NAV1: variants seen among roughly 807,000 people sequenced by gnomAD.
NAV1 encodes the protein neuron navigator 1, also known as pore membrane and/or filament interacting like protein 3.
In NAV1, 18 loss-of-function variants were observed where a neutral mutation model predicts 175.2. That is an observed-to-expected ratio of 0.10 (90% CI 0.07 to 0.15). The LOEUF (loss-of-function observed/expected upper bound fraction) is 0.15. Among genes scored for constraint, NAV1 ranks in the 10% least tolerant of loss-of-function variants. NAV1 has a pLI of 1.00. For synonymous variants in NAV1, 897 were observed against 978.7 expected, an observed-to-expected ratio of 0.92 and a Z score of 1.56; for missense variants, 1,731 against 2,436.6, an observed-to-expected ratio of 0.71 and a Z score of 6.10.
At chr1:201,716,724 C>G (rs1040250729) in intron 2 of NAV1, among the ~76,000 whole-genome samples, 6 of 152,160 alleles carry the variant, frequency 3.9e-5, no homozygotes, top group Admixed American at 1.3e-4. Context: ...ATAAAAAATA[C>G]AAAAATTAGC....
At chr1:201,559,389 A>C (rs1401769419) in intron 1 of NAV1, among the ~76,000 whole-genome samples, 2 of 152,014 alleles carry the variant, frequency 1.3e-5, no homozygotes, top group East Asian at 3.9e-4. Context: ...CACATAAACC[A>C]CCAGGAACAG....
chr1:201,793,779 G>A lies in NAV1; in HGVS notation c.3322-13G>A. The A allele has an allele frequency of 6.2e-7, 1 of 1,612,058 alleles. No homozygotes were observed. Among genetic ancestry groups the A allele is most frequent in the South Asian group, 1.1e-5 (1 of 90,484 alleles). ...TTATGCAACTTAGCAATCTCTTTCT[G>A]TGTTTGTTTCAGGCTAATCTGGTGG... On this transcript the variant is annotated splice_polypyrimidine_tract_variant and intron_variant, in intron 13 of 29. Transcript: ENST00000367296.
At chr1:201,709,278 AG>A (rs1173181589) in intron 1 of NAV1, among the ~76,000 whole-genome samples, 2 of 152,086 alleles carry the variant, frequency 1.3e-5, no homozygotes, top group Non-Finnish European at 2.9e-5. Flanking sequence ...GGTGAAGCTT[AG>A]TTATGGGTTG....
intron 3 of NAV1, among the ~76,000 whole-genome samples, chr1:201,767,234 C>T (rs1571471629): frequency 6.6e-6 from 1 of 151,156 alleles, no homozygotes; most frequent in African/African-American, 2.4e-5. Flanking sequence ...GAGCAGATCA[C>T]AAGGTCAGGA....
chr1:201,767,443 T>G (rs1189051126), intron 3 of NAV1, among the ~76,000 whole-genome samples: 1 of 140,686 alleles, frequency 7.1e-6, no homozygotes, highest in Non-Finnish European at 1.6e-5. Context: ...AGGGCGAGAC[T>G]CCGCCTCAAA....
Position 201,811,985 on chromosome 1 carries a change from T to C in NAV1, c.5024+11T>C. 1 of 1,612,796 alleles carries C rather than the reference T, an allele frequency of 6.2e-7. No homozygotes were observed. The highest frequency in any genetic ancestry group is 1.1e-5 in the South Asian group (1 of 91,050). On this transcript the variant is annotated intron_variant, in intron 26 of 29. Coordinates refer to ENST00000367296, the Ensembl canonical transcript of NAV1. ...GCACTTGAGCTTCAGGTAAGACCTC[T>C]AGCTCTGGATGAACCTTCTGACCCT...
At chr1:201,765,395 T>C (rs937223375) in intron 3 of NAV1, among the ~76,000 whole-genome samples, 5 of 144,026 alleles carry the variant, frequency 3.5e-5, no homozygotes, top group Admixed American at 6.9e-5. Flanking sequence ...TTTTTTTTTT[T>C]TTTTTTTTCT....
intron 2 of NAV1, among the ~76,000 whole-genome samples, chr1:201,716,608 G>T (rs913650313): frequency 6.6e-6 from 1 of 152,254 alleles, no homozygotes; most frequent in Non-Finnish European, 1.5e-5. Context: ...GCAGGGTGCA[G>T]TGGCTCACGC....
chr1:201,567,590 G>A (rs1666393891), intron 1 of NAV1, among the ~76,000 whole-genome samples: 1 of 152,216 alleles, frequency 6.6e-6, no homozygotes, highest in African/African-American at 2.4e-5. Flanking sequence ...TACTGTGTGT[G>A]TAGACAATAT....
At chr1:201,778,279 T>C (rs1676086840) in intron 3 of NAV1, among the ~76,000 whole-genome samples, 3 of 152,214 alleles carry the variant, frequency 2.0e-5, no homozygotes, top group Admixed American at 2.0e-4. Context: ...ATTTCTGAGC[T>C]GCAGCAATCC....
chr1:201,812,730 AT>A lies in NAV1; in HGVS notation c.5221+70del. The A allele has an allele frequency of 7.2e-7, 1 of 1,384,412 alleles. No individual in the cohort carries two copies. The highest frequency in any genetic ancestry group is 1.0e-6 in the Non-Finnish European group (1 of 983,162). The allele number at this position is 1,384,412 out of a possible 1,614,324, so 85.8% of individuals were successfully genotyped here. Reference sequence around the variant, plus strand: ...CTTTTCCACTGTACCACCTGGAGGGATGCTCCCTTCTCTTCCTGGAGTCTTC... The same window carrying A: ...CTTTTCCACTGTACCACCTGGAGGGAGCTCCCTTCTCTTCCTGGAGTCTTC... On this transcript the variant is annotated intron_variant, in intron 27 of 29. Coordinates refer to ENST00000367296, the Ensembl canonical transcript of NAV1. The surrounding 1 kb of genome is among the most constrained non-coding windows in gnomAD (Gnocchi z 4.6).
chr1:201,733,993 A>G (rs893088472), intron 3 of NAV1, among the ~76,000 whole-genome samples: 2 of 152,238 alleles, frequency 1.3e-5, no homozygotes, highest in Non-Finnish European at 2.9e-5. Flanking sequence ...AGCAGACCAC[A>G]GGGACACCAG....
rs1678355609 is a variant in NAV1 at position 201,807,327 on chromosome 1, T to TAC, written c.3649-626_3649-625insAC. Among the ~76,000 whole-genome samples, 1 of 152,212 alleles carries TAC rather than the reference T, an allele frequency of 6.6e-6. No homozygotes were observed. On this transcript the variant is annotated intron_variant, in intron 17 of 29. Transcript: ENST00000367296. The surrounding 1 kb of genome is among the most constrained non-coding windows in gnomAD (Gnocchi z 5.4). Reference sequence around the variant, plus strand: ...GGGCACAAGAAATACTAAAAGAAGCTTGAGCCCACTGCCTTCTCGTGTTCT... The same window carrying TAC: ...GGGCACAAGAAATACTAAAAGAAGCTACTGAGCCCACTGCCTTCTCGTGTTCT...
intron 3 of NAV1, chr1:201,723,252 G>A (rs1014044294): frequency 6.6e-6 from 1 of 152,184 alleles, no homozygotes; most frequent in African/African-American, 2.4e-5. Flanking sequence ...ATCTATTCAA[G>A]TCCTTTGCCC....
intron 1 of NAV1, among the ~76,000 whole-genome samples, chr1:201,559,836 G>A (rs1174193234): frequency 6.6e-6 from 1 of 152,196 alleles, no homozygotes; most frequent in East Asian, 1.9e-4. Flanking sequence ...CGCCACCAGA[G>A]GGTGCAGTTG....
At chr1:201,755,174 T>TATCTCTAAAATAAC (rs1320920154) in intron 3 of NAV1, among the ~76,000 whole-genome samples, 1 of 152,240 alleles carries the variant, frequency 6.6e-6, no homozygotes, top group Non-Finnish European at 1.5e-5. Flanking sequence ...AATACTCTCT[T>TATCTCTAAAATAAC]ATCTCTAAAA....
chr1:201,788,353 T>G lies in NAV1; in HGVS notation c.2996-115T>G. ...CCCTTCCTCTCCTGCCCTCTCCCCATTTGCCTCTCATGCTCCCGGTGCTCC... is the reference window on the plus strand; with the variant it reads ...CCCTTCCTCTCCTGCCCTCTCCCCAGTTGCCTCTCATGCTCCCGGTGCTCC... On this transcript the variant is annotated intron_variant, in intron 9 of 29. Coordinates refer to ENST00000367296, the Ensembl canonical transcript of NAV1. The surrounding 1 kb of genome is among the most constrained non-coding windows in gnomAD (Gnocchi z 5.7). The G allele has an allele frequency of 9.2e-7, 1 of 1,086,920 alleles. No individual in the cohort carries two copies. The highest frequency in any genetic ancestry group is 1.4e-6 in the Non-Finnish European group (1 of 726,798). 67.3% of individuals were successfully genotyped at this position (1,086,920 alleles called of 1,614,324 possible). A position where few individuals can be genotyped will look rare whatever the true frequency, so the allele number is the denominator to read the frequency against.
chr1:201,770,500 A>G (rs1233020172), intron 3 of NAV1, among the ~76,000 whole-genome samples: 1 of 151,886 alleles, frequency 6.6e-6, no homozygotes, highest in Non-Finnish European at 1.5e-5. Flanking sequence ...TCATCTTAAC[A>G]ACAAGGCTAA....
chr1:201,579,912 A>G (rs1006052479), intron 1 of NAV1, among the ~76,000 whole-genome samples: 8 of 152,200 alleles, frequency 5.3e-5, no homozygotes, highest in Non-Finnish European at 1.0e-4. Flanking sequence ...GAACCAGGGA[A>G]GCCAGTAGCA....
Sources: gnomAD v4.1 joint callset for allele counts (sites outside exome capture counted in the v4.1 genomes callset) on GRCh38, gnomAD v4.1.1 for gene constraint, Gnocchi (gnomAD v3.1) non-coding constraint, MANE v1.5 for transcripts, NCBI Gene and HGNC (gene_info 2026-07-23, HGNC 2026-07-21) for gene names.